The following C20orf96 variants were observed in gnomAD, a reference collection of about 807,000 sequenced individuals.
C20orf96 encodes the protein uncharacterized protein C20orf96.
C20orf96 carries 57 observed loss-of-function variants against 52.6 expected under a neutral mutation model. The observed-to-expected ratio is 1.08, with a 90% confidence interval of 0.88 to 1.35. The LOEUF (loss-of-function observed/expected upper bound fraction) is 1.35, where lower values mean the gene tolerates loss of function less well. Ranked by LOEUF, C20orf96 falls within the 40% of genes most tolerant of loss-of-function variation. The pLI is 0.00. For missense variants in C20orf96, 478 were observed against 443.6 expected, an observed-to-expected ratio of 1.08 and a Z score of -0.70; for synonymous variants, 168 against 157.2, an observed-to-expected ratio of 1.07 and a Z score of -0.51.
At chr20:287,930 A>AAAAAAAAAT in intron 3 of C20orf96, among the ~76,000 whole-genome samples, 1 of 147,092 alleles carries the variant, frequency 6.8e-6, no homozygotes, top group East Asian at 2.0e-4. Context: ...AAAAAAAAAA[A>AAAAAAAAAT]GTCTTTCACA....
At chr20:281,161 GTAAA>G (rs527688757) in intron 4 of C20orf96, among the ~76,000 whole-genome samples, 11 of 152,070 alleles carry the variant, frequency 7.2e-5, no homozygotes, top group Admixed American at 3.3e-4. Flanking sequence ...GTCTCTAAAA[GTAAA>G]TAAATAAATA....
At chr20:277,732 T>A (rs2012077692) in intron 6 of C20orf96, among the ~76,000 whole-genome samples, 1 of 152,046 alleles carries the variant, frequency 6.6e-6, no homozygotes, top group Non-Finnish European at 1.5e-5. Context: ...ACCAGGCAGA[T>A]GGGGTGACAG....
At chr20:279,062 G>GGGTGGGGGGGAGGGAGGGAT in intron 5 of C20orf96, 110 bp downstream of exon 5, 5 of 223,188 alleles carry the variant, frequency 2.2e-5, no homozygotes, top group Non-Finnish European at 3.2e-5. Flanking sequence ...GCGGGACGGA[G>GGGTGGGGGGGAGGGAGGGAT]GGAGGGAGGG....
At chr20:286,124 G>A (rs922492787) in intron 3 of C20orf96, among the ~76,000 whole-genome samples, 3 of 152,176 alleles carry the variant, frequency 2.0e-5, no homozygotes, top group Non-Finnish European at 4.4e-5. Flanking sequence ...TTTTAATAAT[G>A]AGGATTTATT....
chr20:275,823 G>C, intron 10 of C20orf96, 145 bp downstream of exon 10: 1 of 757,748 alleles, frequency 1.3e-6, no homozygotes, highest in Non-Finnish European at 2.3e-6. Flanking sequence ...GTCAGTGGCA[G>C]ATCCAAGGTG....
rs369510427 is a variant in C20orf96 at position 271,311 on chromosome 20, C to T, written c.1032-44G>A. 2.2e-5 allele frequency: 32 copies of T among 1,487,790 alleles called. No individual in the cohort carries two copies. The East Asian group carries it at 3.0e-4, about 14-fold the overall frequency. The allele number at this position is 1,487,790 out of a possible 1,614,324, so 92.2% of individuals were successfully genotyped here. A position where few individuals can be genotyped will look rare whatever the true frequency, so the allele number is the denominator to read the frequency against. ...GAAGGCCATGAGAGACCAGAGGTGG[C>T]GGTGTGGGAGCACCCACTCAGAGGA... On this transcript the variant is annotated intron_variant, in intron 10 of 10. Transcript: ENST00000360321.
At chr20:276,287 C>A in intron 9 of C20orf96, 2 of 985,362 alleles carry the variant, frequency 2.0e-6, no homozygotes, top group Non-Finnish European at 2.4e-6. Context: ...TTCAGTGGTG[C>A]TGAAACAGGT....
Position 277,317 on chromosome 20 carries a change from AG to A in C20orf96, c.631del (p.Leu211Ter), listed in dbSNP as rs2012064220. The A allele has an allele frequency of 1.2e-6, 2 of 1,614,154 alleles. No homozygotes were observed. Among genetic ancestry groups the A allele is most frequent in the East Asian group, 2.2e-5 (1 of 44,876 alleles). ...ATACTCATGGTCCATGTAAGTGCTC[AG>A]GAAGTTCACTTCCTCCTGGGTCTTC... ...IEKTQEEVNF[L>X]STYMDHEYSI... On this transcript the variant is annotated frameshift_variant, in exon 7 of 11. Coordinates refer to ENST00000360321, the MANE Select transcript of C20orf96 (RefSeq NM_153269.3). LOFTEE classifies it high-confidence loss of function.
chr20:279,053 CGGGACGGAGGGAGGGAGGGAGGGA>C, intron 5 of C20orf96, 95 bp downstream of exon 5: 2 of 102,880 alleles, frequency 1.9e-5, no homozygotes, highest in Non-Finnish European at 2.9e-5. Flanking sequence ...GGCGGGAGGG[CGGGACGGAGGGAGGGAGGGAGGGA>C]GGGACGGAGG....
Position 276,040 on chromosome 20 carries a change from ACCTCGG to A in C20orf96, c.953_958del (p.Ala318_Glu319del). On this transcript the variant is annotated inframe_deletion, in exon 10 of 11. Transcript: ENST00000360321. ...CCGGGTCTGGGCTTGGAGCTCTTCCACCTCGGCCCTTAATACAGGCATGTTCTCCTC... is the reference window on the plus strand; with the variant it reads ...CCGGGTCTGGGCTTGGAGCTCTTCCACCCTTAATACAGGCATGTTCTCCTC... 1 of 1,614,148 alleles carries A rather than the reference ACCTCGG, an allele frequency of 6.2e-7. No homozygotes were observed. The highest frequency in any genetic ancestry group is 1.1e-5 in the South Asian group (1 of 91,082).
chr20:280,370 C>T (rs2012221404), intron 4 of C20orf96, among the ~76,000 whole-genome samples: 1 of 151,156 alleles, frequency 6.6e-6, no homozygotes, highest in Admixed American at 6.6e-5. Flanking sequence ...CCTAAGGTTA[C>T]ACCCAGCAGG....
In C20orf96 at chr20:272,493, C is replaced by A. The variant is rs192824740; in HGVS notation, c.1032-1226G>T. On this transcript the variant is annotated intron_variant, in intron 10 of 10. Coordinates refer to ENST00000360321, the MANE Select transcript of C20orf96 (RefSeq NM_153269.3). ...CCTCCTGCCTCCCAAATAGCTGGGA[C>A]CACAGGCACGTGCCACCACATCTGG... is the stretch of plus-strand genomic sequence containing the variant. Among the ~76,000 whole-genome samples, 388 of 152,248 alleles carry A rather than the reference C, an allele frequency of 2.5e-3. 2 individuals carry two copies. Among genetic ancestry groups the A allele is most frequent in the Middle Eastern group, 0.024 (7 of 294 alleles).
At chr20:289,942 G>A (rs1170288415) in intron 2 of C20orf96, among the ~76,000 whole-genome samples, 2 of 152,180 alleles carry the variant, frequency 1.3e-5, no homozygotes, top group Non-Finnish European at 2.9e-5. Context: ...AGCACATCCA[G>A]GCTGTGAGGT....
At position 286,646 on chromosome 20, in the gene C20orf96, G is replaced by A. The variant is rs911115070; in HGVS notation, c.188-2565C>T. Among the ~76,000 whole-genome samples the A allele has an allele frequency of 2.0e-5, 3 of 152,218 alleles. No homozygotes were observed. The South Asian group carries it at 6.2e-4, about 32-fold the overall frequency. ...AGAAAAGGAAACAGAGGTAGTCTAT[G>A]TACCCTTTACCCAGTTTCTCCCAGT... On this transcript the variant is annotated intron_variant, in intron 3 of 10. Coordinates refer to ENST00000360321, the MANE Select transcript of C20orf96 (RefSeq NM_153269.3).
At chr20:290,521 G>T in intron 1 of C20orf96, 70 bp downstream of exon 1, 1 of 1,579,784 alleles carries the variant, frequency 6.3e-7, no homozygotes, top group East Asian at 2.3e-5. Flanking sequence ...GCGGGACAGC[G>T]GCGGGGTGTG....
At chr20:289,346 A>G (rs2012476322) in intron 3 of C20orf96, among the ~76,000 whole-genome samples, 1 of 152,204 alleles carries the variant, frequency 6.6e-6, no homozygotes, top group South Asian at 2.1e-4. Context: ...GGATCCCTGA[A>G]TGACCATGTG....
intron 4 of C20orf96, among the ~76,000 whole-genome samples, chr20:281,092 G>A (rs1164232396): frequency 6.6e-6 from 1 of 152,102 alleles, no homozygotes; most frequent in Non-Finnish European, 1.5e-5. Context: ...GAAGATCGAG[G>A]CTGCAGTAAG....
intron 3 of C20orf96, among the ~76,000 whole-genome samples, chr20:286,391 C>T (rs2012386041): frequency 6.6e-6 from 1 of 152,000 alleles, no homozygotes; most frequent in Admixed American, 6.6e-5. Flanking sequence ...GTGGTGCACG[C>T]CTGTAATCCC....
chr20:279,070 G>GGGCGGGAGGGAT (rs1568491398), intron 5 of C20orf96, 102 bp downstream of exon 5: 1 of 585,394 alleles, frequency 1.7e-6, no homozygotes, highest in Non-Finnish European at 2.4e-6. Context: ...GAGGGAGGGA[G>GGGCGGGAGGGAT]GGAGGGAGGG....
Sources: allele counts gnomAD v4.1 joint callset (sites outside exome capture counted in the v4.1 genomes callset), GRCh38; gene constraint gnomAD v4.1.1; transcripts MANE v1.5; gene names NCBI Gene and HGNC (gene_info 2026-07-23, HGNC 2026-07-21).